Variants in GRHL2 observed in about 807,000 individuals in gnomAD.
GRHL2 encodes the protein grainyhead-like protein 2 homolog.
GRHL2 carries 21 observed loss-of-function variants against 83.8 expected under a neutral mutation model. That is an observed-to-expected ratio of 0.25 (90% CI 0.18 to 0.36). The LOEUF is 0.36. GRHL2 is among the 10% of genes least tolerant of loss of function. The probability of loss-of-function intolerance (pLI) is 1.00; values close to 1 mark genes in which losing one functional copy is unlikely to be tolerated. For missense variants in GRHL2, 623 were observed against 781.8 expected (o/e 0.80, Z 2.42); for synonymous variants, 280 against 278.9 (o/e 1.00, Z -0.04).
chr8:101,581,700 G>T (rs946373690), intron 7 of GRHL2, among the ~76,000 whole-genome samples: 2 of 152,142 alleles, frequency 1.3e-5, no homozygotes, highest in Non-Finnish European at 1.5e-5. Flanking sequence ...CAGACCCTTT[G>T]TTAGGCACTG....
At chr8:101,563,548 G>A (rs1167135907) in intron 4 of GRHL2, among the ~76,000 whole-genome samples, 2 of 152,108 alleles carry the variant, frequency 1.3e-5, no homozygotes, top group Non-Finnish European at 2.9e-5. Flanking sequence ...AGTGATGAAA[G>A]TGACATATGA....
intron 1 of GRHL2, among the ~76,000 whole-genome samples, chr8:101,493,396 G>A (rs1322903874): frequency 6.6e-6 from 1 of 151,736 alleles, no homozygotes; most frequent in Non-Finnish European, 1.5e-5. Flanking sequence ...GGCCGGCGCC[G>A]TCCCCCACTC....
chr8:101,521,441 C>T (rs2130046364), intron 1 of GRHL2, among the ~76,000 whole-genome samples: 1 of 152,300 alleles, frequency 6.6e-6, no homozygotes, highest in South Asian at 2.1e-4. Context: ...TTGTGAGGTG[C>T]TCCTGGCTAC....
At chr8:101,671,851 C>G (rs543426231), downstream of GRHL2, among the ~76,000 whole-genome samples, 1 of 152,286 alleles carries the variant, frequency 6.6e-6, no homozygotes, top group Non-Finnish European at 1.5e-5. Flanking sequence ...TTCAGAGGAA[C>G]GATCACGCAG....
At chr8:101,564,451 G>A (rs1811672324) in intron 4 of GRHL2, among the ~76,000 whole-genome samples, 1 of 152,156 alleles carries the variant, frequency 6.6e-6, no homozygotes, top group Non-Finnish European at 1.5e-5. Flanking sequence ...AGTGGTAGCA[G>A]GGAAGGGAGT....
intron 7 of GRHL2, among the ~76,000 whole-genome samples, chr8:101,597,393 C>A (rs374276469): frequency 1.3e-5 from 2 of 152,114 alleles, no homozygotes; most frequent in East Asian, 3.9e-4. Flanking sequence ...ATGTTTATTG[C>A]GGCACTATTC....
chr8:101,594,747 A>C (rs1421327152), intron 7 of GRHL2, among the ~76,000 whole-genome samples: 2 of 152,174 alleles, frequency 1.3e-5, no homozygotes, highest in Non-Finnish European at 2.9e-5. Flanking sequence ...TCTTGTTTAG[A>C]ATGCCTAAGG....
chr8:101,579,618 C>T (rs147215858), intron 7 of GRHL2, among the ~76,000 whole-genome samples: 1 of 152,306 alleles, frequency 6.6e-6, no homozygotes, highest in African/African-American at 2.4e-5. Context: ...CTCAACCTGA[C>T]ATCTGCTCAC....
At chr8:101,601,353 C>T (rs935121348) in intron 8 of GRHL2, among the ~76,000 whole-genome samples, 2 of 152,100 alleles carry the variant, frequency 1.3e-5, no homozygotes, top group Non-Finnish European at 2.9e-5. Context: ...TCAATAGGGA[C>T]CTTTTATAGA....
intron 12 of GRHL2, among the ~76,000 whole-genome samples, chr8:101,642,414 C>A (rs1022125797): frequency 1.3e-5 from 2 of 152,110 alleles, no homozygotes; most frequent in South Asian, 2.1e-4. Context: ...GCTTAGGAAC[C>A]CTCACACAGC....
At chr8:101,621,482 CAA>C (rs552246719) in intron 9 of GRHL2, among the ~76,000 whole-genome samples, 115 of 151,870 alleles carry the variant, frequency 7.6e-4, no homozygotes, top group African/African-American at 2.5e-3. Flanking sequence ...AGAAGCAACA[CAA>C]GAGTAAATAA....
At chr8:101,558,395 G>A in intron 3 of GRHL2, 24 bp from the exon 4 acceptor site, 1 of 1,613,764 alleles carries the variant, frequency 6.2e-7, no homozygotes, top group East Asian at 2.2e-5. Context: ...ATTCTATCAT[G>A]TTGCGGGGGG....
the GRHL2 span, among the ~76,000 whole-genome samples, chr8:101,678,721 G>C: frequency 6.6e-6 from 1 of 150,850 alleles, no homozygotes; most frequent in African/African-American, 2.5e-5. Context: ...CTCCCAGCAC[G>C]CAGCTGGAGA....
chr8:101,558,722 G>A lies in GRHL2; in HGVS notation c.588G>A (p.Ser196=). 2 of 1,614,046 alleles carry A rather than the reference G, an allele frequency of 1.2e-6. No individual in the cohort carries two copies. The highest frequency in any genetic ancestry group is 1.7e-6 in the Non-Finnish European group (2 of 1,180,018). The change falls in exon 4 of 16, where the codon TCG becomes TCA. Residue 196 remains serine, a synonymous_variant. Transcript: ENST00000646743. The part of the protein sequence containing the change: ...IFEQTQYDVP[S]LATHSAYLKD... ...AACAGACTCAGTATGACGTGCCCTCGCTGGCCACCCACAGCGCCTATCTCA... is the reference window on the plus strand; with the variant it reads ...AACAGACTCAGTATGACGTGCCCTCACTGGCCACCCACAGCGCCTATCTCA...
Position 101,492,599 on chromosome 8 carries a change from G to T in GRHL2, c.-171G>T. The T allele has an allele frequency of 1.4e-6, 1 of 719,312 alleles. No homozygotes were observed. The highest frequency in any genetic ancestry group is 1.7e-5 in the African/African-American group (1 of 57,572). 44.6% of individuals were successfully genotyped at this position (719,312 alleles called of 1,614,324 possible). A position where few individuals can be genotyped will look rare whatever the true frequency, so the allele number is the denominator to read the frequency against. On this transcript the variant is annotated 5_prime_UTR_variant, in exon 1 of 16. Coordinates refer to ENST00000646743, the MANE Select transcript of GRHL2 (RefSeq NM_024915.4). ...CCTTTCCGGCTAGGTGAGGGCGCGA[G>T]CGGGCGAGCGAGCGAGAGTGGTGAG...
At chr8:101,637,472 C>T (rs1303838452) in intron 12 of GRHL2, among the ~76,000 whole-genome samples, 5 of 152,218 alleles carry the variant, frequency 3.3e-5, no homozygotes, top group African/African-American at 1.2e-4. Context: ...GAGACAGTCA[C>T]AGAGACTCCC....
Position 101,664,510 on chromosome 8 carries a change from C to CA in GRHL2, c.1761dup (p.Gly588ArgfsTer8). On this transcript the variant is annotated frameshift_variant, in exon 15 of 16. Coordinates refer to ENST00000646743, the MANE Select transcript of GRHL2 (RefSeq NM_024915.4). LOFTEE classifies it high-confidence loss of function. Reference sequence around the variant, plus strand: ...AGATAGCAAAGCTTTACAAGAAAAGCAAAAAAGGGTAAGAAAGAAACTGAA... The same window carrying CA: ...AGATAGCAAAGCTTTACAAGAAAAGCAAAAAAAGGGTAAGAAAGAAACTGAA... 1 of 1,605,774 alleles carries CA rather than the reference C, an allele frequency of 6.2e-7. No individual in the cohort carries two copies. Among genetic ancestry groups the CA allele is most frequent in the Non-Finnish European group, 8.5e-7 (1 of 1,175,614 alleles).
chr8:101,627,231 C>T lies in GRHL2; in HGVS notation c.1258-4406C>T, dbSNP rs116665297. ...TACAAATGGAAGGTTTGTGACAACC[C>T]TGTATTGATCAAGTCTGTCAGCTCC... On this transcript the variant is annotated intron_variant, in intron 9 of 15. Transcript: ENST00000646743. Among the ~76,000 whole-genome samples the T allele has an allele frequency of 6.4e-3, 976 of 152,096 alleles. 7 individuals carry two copies. Among genetic ancestry groups the T allele is most frequent in the African/African-American group, 0.023 (940 of 41,504 alleles).
intron 1 of GRHL2, among the ~76,000 whole-genome samples, chr8:101,499,556 C>G (rs144396211): frequency 6.6e-5 from 10 of 152,280 alleles, no homozygotes; most frequent in African/African-American, 2.4e-4. Flanking sequence ...TGCATTCTTT[C>G]AGTATTTACA....
Sources: allele counts gnomAD v4.1 joint callset (sites outside exome capture counted in the v4.1 genomes callset), GRCh38; gene constraint gnomAD v4.1.1; transcripts MANE v1.5; gene names NCBI Gene and HGNC (gene_info 2026-07-23, HGNC 2026-07-21).